Variants in IGDCC3 observed in about 807,000 individuals in gnomAD.
IGDCC3 encodes the protein immunoglobulin superfamily DCC subclass member 3.
IGDCC3 carries 47 observed loss-of-function variants against 72.0 expected under a neutral mutation model. That is an observed-to-expected ratio of 0.65 (90% CI 0.52 to 0.83). The LOEUF (loss-of-function observed/expected upper bound fraction) is 0.83, where lower values mean the gene tolerates loss of function less well. IGDCC3 is among the 40% of genes least tolerant of loss of function. The pLI is 0.00. For synonymous variants in IGDCC3, 477 were observed against 472.8 expected (o/e 1.01, Z -0.11); for missense variants, 1,038 against 1,091.3 (o/e 0.95, Z 0.69).
At chr15:65,333,143 C>T (rs1374758082) in intron 6 of IGDCC3, 114 bp downstream of exon 6, 2 of 1,049,910 alleles carry the variant, frequency 1.9e-6, no homozygotes, top group East Asian at 2.8e-5. Flanking sequence ...GGGCGAGGGG[C>T]AGGGCGAGTC....
chr15:65,333,346 G>A lies in IGDCC3; in HGVS notation c.893C>T (p.Thr298Met), dbSNP rs144084512. ...GACGTAGACGCCAGAGTGCTGGACC[G>A]TCACGTCTGAGATGATGAGGTTTCC... ...GTGNLIISDV[T>M]VQHSGVYVCA... is the part of the protein sequence containing the mutation. The change falls in exon 6 of 14, where the codon ACG becomes ATG. Residue 298 changes from threonine (T) to methionine (M), a missense_variant. Coordinates refer to ENST00000327987, the MANE Select transcript of IGDCC3 (RefSeq NM_004884.4). 1.6e-4 allele frequency: 261 copies of A among 1,612,888 alleles called. No homozygotes were observed. In the African/African-American group the frequency reaches 2.8e-3, roughly 17 times the overall value.
Position 65,377,588 on chromosome 15 carries a change from C to T in IGDCC3, c.103+98G>A. 1 of 1,205,220 alleles carries T rather than the reference C, an allele frequency of 8.3e-7. No homozygotes were observed. Among genetic ancestry groups the T allele is most frequent in the Non-Finnish European group, 1.1e-6 (1 of 950,190 alleles). The allele number at this position is 1,205,220 out of a possible 1,614,324, so 74.7% of individuals were successfully genotyped here. ...CGCGGGGTCCGCCCTCAGGTCCGCG[C>T]CGCTCTCCCCGGGTCCGCCCCTCGC... is the stretch of plus-strand genomic sequence containing the variant. On this transcript the variant is annotated intron_variant, in intron 1 of 13. Transcript: ENST00000327987. The surrounding 1 kb of genome is among the most constrained non-coding windows in gnomAD (Gnocchi z 4.9).
At chr15:65,370,604 GTA>G (rs201787651) in intron 2 of IGDCC3, among the ~76,000 whole-genome samples, 30 of 105,754 alleles carry the variant, frequency 2.8e-4, no homozygotes, top group South Asian at 1.1e-3. Flanking sequence ...ATATGTATGT[GTA>G]TATATATGTA....
chr15:65,364,739 G>A (rs665941), intron 2 of IGDCC3, among the ~76,000 whole-genome samples: 47,746 of 151,854 alleles, frequency 0.31, 7,680 homozygotes, highest in East Asian at 0.52. Context: ...AAATTAGCCC[G>A]GCGTGGTATT....
In IGDCC3 at chr15:65,375,347, G is replaced by A. The variant is rs755430602; in HGVS notation, c.159C>T (p.Ala53=). ...CCAGCACTATAGGCTGCCCGGGGAC[G>A]GCAACATCATCACTTGGCTCCACAG... is the stretch of plus-strand genomic sequence containing the variant. ...AFAVEPSDDV[A]VPGQPIVLDC... The change falls in exon 2 of 14, where the codon GCC becomes GCT. Residue 53 remains alanine (A), a synonymous_variant. Coordinates refer to ENST00000327987, the MANE Select transcript of IGDCC3 (RefSeq NM_004884.4). The A allele has an allele frequency of 3.5e-5, 56 of 1,610,742 alleles. No homozygotes were observed. In the Admixed American group the frequency reaches 3.5e-4, roughly 10 times the overall value.
chr15:65,331,370 T>G (rs775644404), intron 8 of IGDCC3, 42 bp downstream of exon 8: 3 of 1,574,424 alleles, frequency 1.9e-6, no homozygotes, highest in African/African-American at 1.3e-5. Context: ...GAATAAGAAA[T>G]AGTGAATTAG....
At chr15:65,349,454 C>A (rs2091154661) in intron 2 of IGDCC3, among the ~76,000 whole-genome samples, 1 of 152,174 alleles carries the variant, frequency 6.6e-6, no homozygotes, top group African/African-American at 2.4e-5. Flanking sequence ...TCTGTATCTC[C>A]TTTGTAAAGT....
intron 2 of IGDCC3, among the ~76,000 whole-genome samples, chr15:65,368,160 T>TCTCA (rs1027318437): frequency 1.7e-4 from 25 of 146,212 alleles, no homozygotes; most frequent in African/African-American, 5.4e-4. Flanking sequence ...TCTCTTTCAC[T>TCTCA]CACACACACA....
intron 2 of IGDCC3, among the ~76,000 whole-genome samples, chr15:65,342,215 C>T (rs892912662): frequency 6.6e-6 from 1 of 151,686 alleles, no homozygotes; most frequent in Admixed American, 6.6e-5. Context: ...GGAGAAACCT[C>T]GTCTCTATTG....
intron 1 of IGDCC3, among the ~76,000 whole-genome samples, chr15:65,375,852 C>T (rs2091355911): frequency 6.6e-6 from 1 of 152,174 alleles, no homozygotes; most frequent in African/African-American, 2.4e-5. Context: ...GTCCTGGATT[C>T]CCATTTCTCA....
chr15:65,341,316 T>C (rs943060851), intron 2 of IGDCC3, among the ~76,000 whole-genome samples: 9 of 151,162 alleles, frequency 6.0e-5, no homozygotes, highest in Non-Finnish European at 1.3e-4. Flanking sequence ...GAACACGGTA[T>C]GATAACTCCT....
In IGDCC3 at chr15:65,337,425, G is replaced by A. The variant is rs148107894; in HGVS notation, c.410-1469C>T. Among the ~76,000 whole-genome samples the A allele has an allele frequency of 2.1e-3, 327 of 152,198 alleles. 3 individuals are homozygous for A. Among genetic ancestry groups the A allele is most frequent in the African/African-American group, 7.6e-3 (317 of 41,526 alleles). On this transcript the variant is annotated intron_variant, in intron 2 of 13. Transcript: ENST00000327987. ...ATCCGTCCACTGCTGCGGCGGGTGT[G>A]TACCTCTGGTTCTGTGCAGGTAATC...
At chr15:65,353,434 TAG>T (rs2091187543) in intron 2 of IGDCC3, among the ~76,000 whole-genome samples, 2 of 152,080 alleles carry the variant, frequency 1.3e-5, no homozygotes, top group Admixed American at 6.6e-5. Flanking sequence ...GTATTTTTAG[TAG>T]AGACGGGGTT....
At chr15:65,335,496 A>C in intron 3 of IGDCC3, 75 bp from the exon 4 acceptor site, 1 of 1,462,856 alleles carries the variant, frequency 6.8e-7, no homozygotes, top group Non-Finnish European at 9.4e-7. Flanking sequence ...CTGGGCATCC[A>C]AGATACAGCC....
chr15:65,370,580 A>ATATATG (rs565244390), intron 2 of IGDCC3, among the ~76,000 whole-genome samples: 16,415 of 130,380 alleles, frequency 0.13, 1,263 homozygotes, highest in African/African-American at 0.19. Context: ...GTATGTATAT[A>ATATATG]TATGTATGTA....
chr15:65,344,903 G>A (rs2091113545), intron 2 of IGDCC3, among the ~76,000 whole-genome samples: 1 of 152,240 alleles, frequency 6.6e-6, no homozygotes. Context: ...TGCATTTAGT[G>A]GTAGCCTCTT....
At chr15:65,366,095 CT>C (rs2091286888) in intron 2 of IGDCC3, among the ~76,000 whole-genome samples, 1 of 151,628 alleles carries the variant, frequency 6.6e-6, no homozygotes, top group African/African-American at 2.4e-5. Flanking sequence ...GTAGTCCCAG[CT>C]ACTCGGGAGG....
intron 2 of IGDCC3, among the ~76,000 whole-genome samples, chr15:65,348,569 G>A (rs1305115720): frequency 6.6e-6 from 1 of 152,148 alleles, no homozygotes; most frequent in Non-Finnish European, 1.5e-5. Context: ...CGGTACCCAG[G>A]TAAAGAATGG....
At chr15:65,367,025 T>C (rs2091291393) in intron 2 of IGDCC3, among the ~76,000 whole-genome samples, 1 of 152,204 alleles carries the variant, frequency 6.6e-6, no homozygotes, top group Non-Finnish European at 1.5e-5. Flanking sequence ...AGCTAGATTT[T>C]GGGCAGCCAC....
Sources: allele counts gnomAD v4.1 joint callset (sites outside exome capture counted in the v4.1 genomes callset), GRCh38; gene constraint gnomAD v4.1.1; non-coding constraint Gnocchi (gnomAD v3.1); transcripts MANE v1.5; gene names NCBI Gene and HGNC (gene_info 2026-07-23, HGNC 2026-07-21).